Variants in FAM83F observed in about 807,000 individuals in gnomAD.
FAM83F encodes the protein protein FAM83F.
FAM83F carries 45 observed loss-of-function variants against 42.9 expected under a neutral mutation model. The observed-to-expected ratio is 1.05, with a 90% confidence interval of 0.83 to 1.35. The LOEUF (loss-of-function observed/expected upper bound fraction) is 1.35. Among genes scored for constraint, FAM83F ranks in the 40% most tolerant of loss-of-function variants. The pLI is 0.00. For missense variants in FAM83F, 617 were observed against 695.9 expected (o/e 0.89, Z 1.28); for synonymous variants, 306 against 298.3 (o/e 1.03, Z -0.27).
chr22:40,016,110 G>A (rs371307767), intron 1 of FAM83F, among the ~76,000 whole-genome samples: 1 of 152,248 alleles, frequency 6.6e-6, no homozygotes. Flanking sequence ...AATCAGGAGA[G>A]GGGGGGACAA....
At chr22:40,027,365 A>G (rs944233916) in intron 4 of FAM83F, among the ~76,000 whole-genome samples, 12 of 151,950 alleles carry the variant, frequency 7.9e-5, no homozygotes, top group African/African-American at 2.9e-4. Context: ...CTGCCAGCAA[A>G]CCAGACTGAC....
intron 1 of FAM83F, among the ~76,000 whole-genome samples, chr22:40,008,127 G>T (rs2067445614): frequency 6.6e-6 from 1 of 152,236 alleles, no homozygotes; most frequent in Non-Finnish European, 1.5e-5. Context: ...CCCTCTATTA[G>T]TTCAAGTTTT....
At chr22:40,011,501 C>G (rs1472290641) in intron 1 of FAM83F, among the ~76,000 whole-genome samples, 1 of 152,156 alleles carries the variant, frequency 6.6e-6, no homozygotes, top group Non-Finnish European at 1.5e-5. Context: ...CACATGCTGT[C>G]TAGGCCAGAG....
intron 4 of FAM83F, among the ~76,000 whole-genome samples, chr22:40,024,960 G>A (rs904922968): frequency 1.3e-5 from 2 of 152,140 alleles, no homozygotes; most frequent in African/African-American, 2.4e-5. Context: ...GGCTCACGGC[G>A]CACTCTAGTG....
Position 40,021,405 on chromosome 22 carries a change from G to A in FAM83F, c.895G>A (p.Asp299Asn). ...GCTGTACGCCATCTCCGAGGAGGTG[G>A]ACTTGTACCGGCAGCTGAGCCTGGC... ...RELYAISEEV[D>N]LYRQLSLAGR... The change falls in exon 4 of 5, where the codon GAC (aspartate) becomes AAC (asparagine). Residue 299 changes from aspartate to asparagine, a missense_variant. Asp to Asn is a conservative substitution (Grantham distance 23, BLOSUM62 1). Coordinates refer to ENST00000333407, the MANE Select transcript of FAM83F (RefSeq NM_138435.4). The surrounding 1 kb of genome is among the most constrained non-coding windows in gnomAD (Gnocchi z 8.7). 1.1e-5 allele frequency: 18 copies of A among 1,613,746 alleles called. No homozygotes were observed. The highest frequency in any genetic ancestry group is 1.5e-5 in the Non-Finnish European group (18 of 1,179,750).
chr22:40,009,711 G>C (rs2067452961), intron 1 of FAM83F: 2 of 152,522 alleles, frequency 1.3e-5, no homozygotes, highest in East Asian at 1.9e-4. Context: ...GTGGCTGAGG[G>C]ACACGTCCAA....
At chr22:40,017,935 C>A (rs1350620423) in intron 1 of FAM83F, among the ~76,000 whole-genome samples, 1 of 152,156 alleles carries the variant, frequency 6.6e-6, no homozygotes, top group Non-Finnish European at 1.5e-5. Flanking sequence ...CTCTCCGACC[C>A]CAGAGCCGAG....
intron 1 of FAM83F, among the ~76,000 whole-genome samples, chr22:40,006,119 A>C (rs1018578786): frequency 2.0e-5 from 3 of 152,178 alleles, no homozygotes; most frequent in Non-Finnish European, 4.4e-5. Context: ...ATACTCCTGT[A>C]ATCCCAGCTA....
chr22:39,995,578 TC>T lies in FAM83F; in HGVS notation c.489+51del. 1.3e-6 allele frequency: 2 copies of T among 1,483,498 alleles called. No individual in the cohort carries two copies. Among genetic ancestry groups the T allele is most frequent in the Admixed American group, 2.2e-5 (1 of 44,562 alleles). The allele number at this position is 1,483,498 out of a possible 1,614,324, so 91.9% of individuals were successfully genotyped here. On this transcript the variant is annotated intron_variant, in intron 1 of 4. Coordinates refer to ENST00000333407, the MANE Select transcript of FAM83F (RefSeq NM_138435.4). The surrounding 1 kb of genome is among the most constrained non-coding windows in gnomAD (Gnocchi z 4.6). ...CACACCGCTGGGACCTCGGCCCCAG[TC>T]CCCTGGACCGGGCCCCACCTCCCAG...
Position 40,041,451 on chromosome 22 carries a change from A to G in FAM83F, c.*11886A>G, listed in dbSNP as rs1046613191. 15 of 152,360 alleles carry G rather than the reference A, an allele frequency of 9.8e-5. No individual in the cohort carries two copies. The East Asian group carries it at 2.9e-3, about 29-fold the overall frequency. The allele number at this position is 152,360 out of a possible 1,614,324, so 9.4% of individuals were successfully genotyped here. A position where few individuals can be genotyped will look rare whatever the true frequency, so the allele number is the denominator to read the frequency against. On this transcript the variant is annotated 3_prime_UTR_variant, in exon 5 of 5. Transcript: ENST00000333407. The stretch of plus-strand genomic sequence containing the variant: ...ACCAAGGCATGCCTGTAAGCCCTAC[A>G]GGGCAGACGCCCTCACCCCAATCAT...
rs751108314 is a variant in FAM83F at position 40,034,292 on chromosome 22, G to A, written c.*4727G>A. 1 of 152,336 alleles carries A rather than the reference G, an allele frequency of 6.6e-6. No individual in the cohort carries two copies. Among genetic ancestry groups the A allele is most frequent in the East Asian group, 1.9e-4 (1 of 5,204 alleles). The allele number at this position is 152,336 out of a possible 1,614,324, so 9.4% of individuals were successfully genotyped here. On this transcript the variant is annotated 3_prime_UTR_variant, in exon 5 of 5. Transcript: ENST00000333407. The stretch of plus-strand genomic sequence containing the variant: ...GCTGCTGCTGATCGTCTGCACTGCT[G>A]TTCCAGGGGCAGGAGGTTTGCTGCA...
At position 40,039,838 on chromosome 22, in the gene FAM83F, A is replaced by G. The variant is rs1199056813; in HGVS notation, c.*10273A>G. 1.3e-5 allele frequency: 2 copies of G among 152,304 alleles called. No individual in the cohort carries two copies. The highest frequency in any genetic ancestry group is 2.9e-5 in the Non-Finnish European group (2 of 68,058). 9.4% of individuals were successfully genotyped at this position (152,304 alleles called of 1,614,324 possible). On this transcript the variant is annotated 3_prime_UTR_variant, in exon 5 of 5. Transcript: ENST00000333407. ...TGAAGCCATGGAAACAAGGACTGAG[A>G]AAGTCTCTTGGATCTTGGCCACAAA...
Position 39,999,492 on chromosome 22 carries a change from C to T in FAM83F, c.489+3961C>T, listed in dbSNP as rs184567667. Among the ~76,000 whole-genome samples the T allele has an allele frequency of 5.9e-3, 895 of 152,350 alleles. 15 individuals are homozygous for T. Among genetic ancestry groups the T allele is most frequent in the South Asian group, 0.056 (269 of 4,822 alleles). The stretch of plus-strand genomic sequence containing the variant: ...GAACCATTGACCCAGCTAACCAGCT[C>T]ATCTTGGTTTATCACAAACTGTCCA... On this transcript the variant is annotated intron_variant, in intron 1 of 4. Transcript: ENST00000333407.
At chr22:40,022,986 G>C (rs1308909488) in intron 4 of FAM83F, among the ~76,000 whole-genome samples, 2 of 152,226 alleles carry the variant, frequency 1.3e-5, no homozygotes, top group African/African-American at 4.8e-5. Context: ...GACACATTCT[G>C]TGCTCAGGAA....
rs756238744 is a variant in FAM83F at position 40,021,306 on chromosome 22, T to A, written c.796T>A (p.Ser266Thr). The A allele has an allele frequency of 6.5e-5, 101 of 1,547,392 alleles. No individual in the cohort carries two copies. Among genetic ancestry groups the A allele is most frequent in the Admixed American group, 2.1e-4 (11 of 51,902 alleles). The change falls in exon 4 of 5, where the codon TCC becomes ACC. Residue 266 changes from serine to threonine, a missense_variant. By Grantham distance (58) the Ser-to-Thr change is moderately conservative (BLOSUM62 1). Transcript: ENST00000333407. The surrounding 1 kb of genome is among the most constrained non-coding windows in gnomAD (Gnocchi z 8.7). ...TGSYRFTWSS[S>T]HVDRNLLLLL... ...CGTTCCCAGGTTCACCTGGAGTTCC[T>A]CCCATGTGGACAGAAACCTCCTCCT...
In FAM83F at chr22:40,037,886, T is replaced by TAA; in HGVS notation, c.*8330_*8331dup. ...GCATGCACCACCCTGCCCAGCTAAT[T>TAA]AAAAAAAAAACTTTAGGGATGGGGT... On this transcript the variant is annotated 3_prime_UTR_variant, in exon 5 of 5. Coordinates refer to ENST00000333407, the MANE Select transcript of FAM83F (RefSeq NM_138435.4). 6.8e-6 allele frequency: 1 copy of TAA among 148,024 alleles called. No homozygotes were observed. The highest frequency in any genetic ancestry group is 1.5e-5 in the Non-Finnish European group (1 of 66,640). 9.2% of individuals were successfully genotyped at this position (148,024 alleles called of 1,614,324 possible).
rs1174925855 is a variant in FAM83F at position 40,005,301 on chromosome 22, A to G, written c.489+9770A>G. Among the ~76,000 whole-genome samples, 6 of 152,262 alleles carry G rather than the reference A, an allele frequency of 3.9e-5. No homozygotes were observed. The East Asian group carries it at 1.2e-3, about 29-fold the overall frequency. On this transcript the variant is annotated intron_variant, in intron 1 of 4. Transcript: ENST00000333407. Reference sequence around the variant, plus strand: ...AGATGATCCTAAAAATCGCTTGTGTATCTTCTTTGGATTTTTTTTAGCCAC... The same window carrying G: ...AGATGATCCTAAAAATCGCTTGTGTGTCTTCTTTGGATTTTTTTTAGCCAC...
intron 1 of FAM83F, among the ~76,000 whole-genome samples, chr22:40,001,837 G>C (rs990682330): frequency 6.6e-6 from 1 of 152,208 alleles, no homozygotes; most frequent in Non-Finnish European, 1.5e-5. Context: ...CTCCCCAGAA[G>C]TTAGGGAGCC....
chr22:40,004,822 AC>A (rs1236519792), intron 1 of FAM83F, among the ~76,000 whole-genome samples: 1 of 152,206 alleles, frequency 6.6e-6, no homozygotes, highest in African/African-American at 2.4e-5. Flanking sequence ...ATAAGGTCAC[AC>A]CACCAGTAAA....
Sources: gnomAD v4.1 joint callset for allele counts (sites outside exome capture counted in the v4.1 genomes callset) on GRCh38, gnomAD v4.1.1 for gene constraint, Gnocchi (gnomAD v3.1) non-coding constraint, MANE v1.5 for transcripts, NCBI Gene and HGNC (gene_info 2026-07-23, HGNC 2026-07-21) for gene names.